SRRM4: variants seen among roughly 807,000 people sequenced by gnomAD.
SRRM4 encodes the protein serine/arginine repetitive matrix protein 4.
SRRM4 carries 33 observed loss-of-function variants against 68.9 expected under a neutral mutation model. The observed-to-expected ratio is 0.48, with a 90% CI of 0.36 to 0.64. The LOEUF (loss-of-function observed/expected upper bound fraction) is 0.64, where lower values mean the gene tolerates loss of function less well. SRRM4 is among the 30% of genes least tolerant of loss of function. The pLI is 0.00. For synonymous variants in SRRM4, 318 were observed against 318.8 expected, an observed-to-expected ratio of 1.00 and a Z score of 0.03; for missense variants, 817 against 827.1, an observed-to-expected ratio of 0.99 and a Z score of 0.15.
At chr12:119,038,336 C>G (rs776151868) in intron 1 of SRRM4, among the ~76,000 whole-genome samples, 2 of 152,004 alleles carry the variant, frequency 1.3e-5, no homozygotes, top group African/African-American at 4.8e-5. Context: ...CTCAGCCTCC[C>G]GAGTAGCTGG....
chr12:119,146,892 C>G (rs895689372), intron 9 of SRRM4, among the ~76,000 whole-genome samples: 1 of 150,248 alleles, frequency 6.7e-6, no homozygotes, highest in Admixed American at 6.6e-5. Context: ...GCCGAGATTG[C>G]GCCAGTGCAC....
rs1954140869 is a variant in SRRM4 at position 119,111,144 on chromosome 12, C to G, written c.279-3134C>G. 2.6e-5 allele frequency among the ~76,000 whole-genome samples: 4 copies of G among 152,320 alleles called. No individual in the cohort carries two copies. In the South Asian group the frequency reaches 8.3e-4, roughly 32 times the overall value. On this transcript the variant is annotated intron_variant, in intron 2 of 12. Transcript: ENST00000267260. The stretch of plus-strand genomic sequence containing the variant: ...ACTCAACTGATACTTATTGAACTGT[C>G]ATATATTTCATCACTGTATTTAGCC...
intron 2 of SRRM4, among the ~76,000 whole-genome samples, chr12:119,110,833 C>G (rs1051048622): frequency 1.3e-5 from 2 of 152,166 alleles, no homozygotes; most frequent in Admixed American, 1.3e-4. Flanking sequence ...ACCCACTGTC[C>G]GACAAGCCCC....
chr12:119,070,515 A>G (rs1953871959), intron 1 of SRRM4, among the ~76,000 whole-genome samples: 1 of 152,058 alleles, frequency 6.6e-6, no homozygotes, highest in South Asian at 2.1e-4. Flanking sequence ...TCTCCAAATT[A>G]CCACCCCCTG....
chr12:119,042,247 G>A (rs1218383228), intron 1 of SRRM4, among the ~76,000 whole-genome samples: 1 of 151,820 alleles, frequency 6.6e-6, no homozygotes, highest in African/African-American at 2.4e-5. Context: ...TGTACAGTGA[G>A]GTGGGTGGGC....
intron 1 of SRRM4, among the ~76,000 whole-genome samples, chr12:119,034,250 C>T (rs1438104931): frequency 6.6e-6 from 1 of 152,152 alleles, no homozygotes; most frequent in East Asian, 1.9e-4. Flanking sequence ...ATTCCCCACA[C>T]CAATCATTGA....
chr12:119,155,375 A>T (rs1303161436), intron 12 of SRRM4, among the ~76,000 whole-genome samples: 2 of 152,176 alleles, frequency 1.3e-5, no homozygotes, highest in African/African-American at 4.8e-5. Context: ...CCTGGAGATG[A>T]CCTGGAGGAG....
rs1393592744 is a variant in SRRM4, at chr12:119,099,576, CAACA to C, written c.132-2655_132-2652del. The stretch of plus-strand genomic sequence containing the variant: ...TTCCAAATCTTTTGGCTGAAAACAA[CAACA>C]AACAGTTATTATGGTTCATAGTTTC... On this transcript the variant is annotated intron_variant, in intron 1 of 12. Coordinates refer to ENST00000267260, the MANE Select transcript of SRRM4 (RefSeq NM_194286.4). 2.6e-5 allele frequency among the ~76,000 whole-genome samples: 4 copies of C among 152,230 alleles called. No homozygotes were observed. In the East Asian group the frequency reaches 7.7e-4, roughly 29 times the overall value.
intron 1 of SRRM4, among the ~76,000 whole-genome samples, chr12:118,989,370 C>T (rs1055559780): frequency 3.3e-5 from 5 of 152,172 alleles, no homozygotes; most frequent in Non-Finnish European, 5.9e-5. Context: ...TTCCAAATAG[C>T]AGTGATAGAT....
At chr12:119,017,275 T>C (rs1953487825) in intron 1 of SRRM4, among the ~76,000 whole-genome samples, 1 of 152,258 alleles carries the variant, frequency 6.6e-6, no homozygotes, top group Admixed American at 6.5e-5. Context: ...TTTTGGACTT[T>C]ACTGTTCCCA....
At chr12:119,010,268 G>A (rs1464546235) in intron 1 of SRRM4, among the ~76,000 whole-genome samples, 1 of 152,180 alleles carries the variant, frequency 6.6e-6, no homozygotes, top group Non-Finnish European at 1.5e-5. Context: ...GGCCAGGCTC[G>A]TTGTGAACTC....
chr12:119,032,304 T>C (rs1026504712), intron 1 of SRRM4, among the ~76,000 whole-genome samples: 3 of 152,156 alleles, frequency 2.0e-5, no homozygotes, highest in Non-Finnish European at 2.9e-5. Context: ...CCGAGAGAAA[T>C]TGTAAGATAA....
At chr12:119,152,933 T>C (rs1357097956) in intron 10 of SRRM4, among the ~76,000 whole-genome samples, 1 of 152,224 alleles carries the variant, frequency 6.6e-6, no homozygotes, top group Admixed American at 6.5e-5. Context: ...GAATTAAATT[T>C]GGCTTAGAGG....
chr12:118,996,056 T>C (rs1333688953), intron 1 of SRRM4, among the ~76,000 whole-genome samples: 2 of 152,264 alleles, frequency 1.3e-5, no homozygotes, highest in Non-Finnish European at 2.9e-5. Flanking sequence ...CCAACATTTA[T>C]GCAGCATCTA....
Position 119,114,743 on chromosome 12 carries a change from C to A in SRRM4, c.365+379C>A, listed in dbSNP as rs182587610. Among the ~76,000 whole-genome samples the A allele has an allele frequency of 6.1e-3, 883 of 144,678 alleles. 6 individuals carry two copies. The highest frequency in any genetic ancestry group is 9.8e-3 in the Non-Finnish European group (658 of 66,984). The allele number at this position is 144,678 out of a possible 152,430, so 94.9% of individuals were successfully genotyped here. A position where few individuals can be genotyped will look rare whatever the true frequency, so the allele number is the denominator to read the frequency against. On this transcript the variant is annotated intron_variant, in intron 3 of 12. Coordinates refer to ENST00000267260, the MANE Select transcript of SRRM4 (RefSeq NM_194286.4). ...GCACTGGCATGATCTCGGCTCCCTGCAATCTCCGCCTCCCAGGTTCACTCC... is the reference window on the plus strand; with the variant it reads ...GCACTGGCATGATCTCGGCTCCCTGAAATCTCCGCCTCCCAGGTTCACTCC...
chr12:119,145,645 T>C lies in SRRM4; in HGVS notation c.1036T>C (p.Leu346=). ...CTCACCCCAGAACAAGGGGGCCATG[T>C]TGGAGAATCTCTCCCCCACCAGCAG... ...TSSPQNKGAM[L]ENLSPTSRGR... Residue 346 remains leucine (L), a synonymous_variant, in exon 9 of 13, where the codon TTG becomes CTG. Transcript: ENST00000267260. 1 of 1,530,274 alleles carries C rather than the reference T, an allele frequency of 6.5e-7. No individual in the cohort carries two copies. Among genetic ancestry groups the C allele is most frequent in the Non-Finnish European group, 8.8e-7 (1 of 1,139,870 alleles). 94.8% of individuals were successfully genotyped at this position (1,530,274 alleles called of 1,614,324 possible).
intron 2 of SRRM4, among the ~76,000 whole-genome samples, chr12:119,106,584 G>A (rs924813600): frequency 6.6e-6 from 1 of 152,140 alleles, no homozygotes; most frequent in Non-Finnish European, 1.5e-5. Flanking sequence ...GTGAATGGGA[G>A]TTCACTCATG....
intron 1 of SRRM4, among the ~76,000 whole-genome samples, chr12:119,075,949 GGTA>G (rs1345444469): frequency 4.0e-5 from 6 of 150,318 alleles, no homozygotes; most frequent in African/African-American, 1.2e-4. Context: ...TGATGATGGT[GGTA>G]ATGATGATGG....
chr12:118,997,683 G>A (rs1228995268), intron 1 of SRRM4, among the ~76,000 whole-genome samples: 1 of 152,162 alleles, frequency 6.6e-6, no homozygotes, highest in African/African-American at 2.4e-5. Context: ...CCCATGGCCT[G>A]CTTAAATGGT....
Sources: allele counts gnomAD v4.1 joint callset (sites outside exome capture counted in the v4.1 genomes callset), GRCh38; gene constraint gnomAD v4.1.1; transcripts MANE v1.5; gene names NCBI Gene and HGNC (gene_info 2026-07-23, HGNC 2026-07-21).